ZNF280D: variants seen among roughly 807,000 people sequenced by gnomAD.
The protein encoded by ZNF280D is suppressor of hairy wing homolog 4.
In ZNF280D, 39 loss-of-function variants were observed where a neutral mutation model predicts 94.7. That is an observed-to-expected ratio of 0.41 (90% confidence interval 0.32 to 0.54). The LOEUF is 0.54. Among genes scored for constraint, ZNF280D ranks in the 20% least tolerant of loss-of-function variants. The pLI is 0.22. For synonymous variants in ZNF280D, 398 were observed against 377.6 expected (o/e 1.05, Z -0.63); for missense variants, 1,090 against 1,149.3 (o/e 0.95, Z 0.75).
chr15:56,714,205 G>A (rs2057919103), intron 1 of ZNF280D, among the ~76,000 whole-genome samples: 1 of 151,964 alleles, frequency 6.6e-6, no homozygotes, highest in South Asian at 2.1e-4. Context: ...TCTTGAAAAG[G>A]GCACATTCCC....
intron 4 of ZNF280D, among the ~76,000 whole-genome samples, chr15:56,703,864 A>ATAAG (rs2057238328): frequency 4.1e-4 from 1 of 2,412 alleles, no homozygotes; most frequent in Non-Finnish European, 0.026. Flanking sequence ...AAATAAATAA[A>ATAAG]TAAATAAATA....
intron 1 of ZNF280D, chr15:56,729,683 T>C (rs2058794041): frequency 6.6e-6 from 1 of 152,144 alleles, no homozygotes; most frequent in African/African-American, 2.4e-5. Flanking sequence ...AAACTGGAAG[T>C]TACCAAGAAG....
chr15:56,703,042 A>AT (rs34665918), intron 4 of ZNF280D, among the ~76,000 whole-genome samples: 1 of 151,750 alleles, frequency 6.6e-6, no homozygotes, highest in Non-Finnish European at 1.5e-5. Flanking sequence ...AAAAGGATCT[A>AT]TTTTCTCTTT....
chr15:56,636,895 C>T (rs1389328320), intron 20 of ZNF280D, among the ~76,000 whole-genome samples: 1 of 152,110 alleles, frequency 6.6e-6, no homozygotes, highest in African/African-American at 2.4e-5. Flanking sequence ...GCTGGGATTA[C>T]AGGAGTGAGC....
At chr15:56,638,864 C>G (rs1283403349) in intron 20 of ZNF280D, among the ~76,000 whole-genome samples, 1 of 152,010 alleles carries the variant, frequency 6.6e-6, no homozygotes, top group Non-Finnish European at 1.5e-5. Flanking sequence ...CAAGACAGCC[C>G]TGTCTCCATT....
At chr15:56,639,030 A>C (rs1438086499) in intron 20 of ZNF280D, among the ~76,000 whole-genome samples, 1 of 152,038 alleles carries the variant, frequency 6.6e-6, no homozygotes, top group Admixed American at 6.6e-5. Flanking sequence ...CATCAGATAC[A>C]TTGCTGGGAA....
chr15:56,729,256 T>A (rs1335954224), intron 1 of ZNF280D, among the ~76,000 whole-genome samples: 1 of 152,206 alleles, frequency 6.6e-6, no homozygotes, highest in East Asian at 1.9e-4. Flanking sequence ...GTCAGACATA[T>A]AACTTGTGAC....
At chr15:56,733,364 C>T in intron 1 of ZNF280D, 94 bp downstream of exon 1, 3 of 752,126 alleles carry the variant, frequency 4.0e-6, no homozygotes, top group Non-Finnish European at 4.9e-6. Flanking sequence ...TCAAGACCCC[C>T]AGTCCAGCGC....
At chr15:56,697,736 T>G (rs1324673727) in intron 6 of ZNF280D, 1 of 152,164 alleles carries the variant, frequency 6.6e-6, no homozygotes, top group East Asian at 1.9e-4. Context: ...TTTTCCATAT[T>G]AGAAATTAAA....
In ZNF280D at chr15:56,631,705, G is replaced by T; in HGVS notation, c.2733C>A (p.Ser911Arg). Residue 911 changes from serine to arginine, a missense_variant, in exon 22 of 22, where the codon AGC becomes AGA. Ser to Arg is a moderately radical substitution (Grantham distance 110, BLOSUM62 -1). This residue lies in a region of ZNF280D where 577 missense variants were observed against 568.8 expected (regional missense o/e 1.01). Transcript: ENST00000267807. The stretch of plus-strand genomic sequence containing the variant: ...GTTCCAAATGAATACTGCCTTGCTC[G>T]CTAACATCAGAACTAACAGATTCAG... ...HEPESVSSDV[S>R]EQGSIHLEPL... is the part of the protein sequence containing the mutation. The T allele has an allele frequency of 6.2e-7, 1 of 1,614,062 alleles. No individual in the cohort carries two copies. Among genetic ancestry groups the T allele is most frequent in the Non-Finnish European group, 8.5e-7 (1 of 1,180,000 alleles).
Position 56,653,277 on chromosome 15 carries a change from G to C in ZNF280D, c.2213+921C>G, listed in dbSNP as rs1264076732. On this transcript the variant is annotated intron_variant, in intron 19 of 21. Transcript: ENST00000267807. ...ACTTCAACTTGGATGCTGAAGCAGT[G>C]GTTTGATGGGCTTTTCTTGGTCATA... The C allele has an allele frequency of 6.7e-6, 8 of 1,193,322 alleles. No individual in the cohort carries two copies. The African/African-American group carries it at 1.3e-4, about 19-fold the overall frequency. The allele number at this position is 1,193,322 out of a possible 1,614,324, so 73.9% of individuals were successfully genotyped here. A position where few individuals can be genotyped will look rare whatever the true frequency, so the allele number is the denominator to read the frequency against.
chr15:56,723,341 G>A (rs1456250189), intron 1 of ZNF280D, among the ~76,000 whole-genome samples: 1 of 152,098 alleles, frequency 6.6e-6, no homozygotes, highest in Non-Finnish European at 1.5e-5. Flanking sequence ...GCTACAACAT[G>A]AAACTTTGAA....
In ZNF280D at chr15:56,666,808, G is replaced by C. The variant is rs778620606; in HGVS notation, c.1724C>G (p.Pro575Arg). ...ACTTCCATTAGGCTTACTTGTATTA[G>C]GTTTACTTGCGTTGGATTTGACTGT... ...PNTVKSNASK[P>R]NTSKPNGSKS... Residue 575 changes from proline to arginine, a missense_variant, in exon 15 of 22, where the codon CCT becomes CGT. Pro to Arg is a moderately radical substitution (Grantham distance 103). Transcript: ENST00000267807. The C allele has an allele frequency of 1.2e-6, 2 of 1,613,748 alleles. No individual in the cohort carries two copies. The highest frequency in any genetic ancestry group is 1.7e-6 in the Non-Finnish European group (2 of 1,179,850).
chr15:56,727,775 G>A (rs1309157508), intron 1 of ZNF280D, among the ~76,000 whole-genome samples: 1 of 152,136 alleles, frequency 6.6e-6, no homozygotes, highest in East Asian at 1.9e-4. Context: ...TCTTAATGAT[G>A]GTAGTGAAAA....
At chr15:56,639,087 A>G (rs1308779253) in intron 20 of ZNF280D, among the ~76,000 whole-genome samples, 1 of 152,014 alleles carries the variant, frequency 6.6e-6, no homozygotes. Flanking sequence ...CCAAAGAGGT[A>G]TATGTTATTA....
intron 1 of ZNF280D, among the ~76,000 whole-genome samples, chr15:56,728,776 C>A (rs145183158): frequency 4.8e-4 from 73 of 152,256 alleles, no homozygotes; most frequent in African/African-American, 1.7e-3. Flanking sequence ...AGTACTCATA[C>A]AACCATTCTG....
At chr15:56,726,587 T>C (rs1414049699) in intron 1 of ZNF280D, among the ~76,000 whole-genome samples, 10 of 152,202 alleles carry the variant, frequency 6.6e-5, no homozygotes, top group African/African-American at 2.2e-4. Context: ...AACTCCATCA[T>C]TCTAGGTATT....
Position 56,728,461 on chromosome 15 carries a change from T to C in ZNF280D, c.-86+4997A>G, listed in dbSNP as rs184297569. Among the ~76,000 whole-genome samples the C allele has an allele frequency of 8.4e-3, 1,277 of 152,310 alleles. 6 individuals are homozygous for C. Among genetic ancestry groups the C allele is most frequent in the Non-Finnish European group, 0.011 (780 of 68,016 alleles). On this transcript the variant is annotated intron_variant, in intron 1 of 21. Transcript: ENST00000267807. The stretch of plus-strand genomic sequence containing the variant: ...TGCTCATAAATCTGAAATTGAAAAA[T>C]CTTGCAATTGTGGAGCAAAGAAGAT...
intron 16 of ZNF280D, among the ~76,000 whole-genome samples, chr15:56,661,051 T>C (rs1387564865): frequency 6.6e-6 from 1 of 152,072 alleles, no homozygotes; most frequent in Admixed American, 6.6e-5. Context: ...GAATACATAT[T>C]CATAAATAAT....
Sources: allele counts gnomAD v4.1 joint callset (sites outside exome capture counted in the v4.1 genomes callset), GRCh38; gene constraint gnomAD v4.1.1; regional missense constraint gnomAD v4.1.1; transcripts MANE v1.5; gene names NCBI Gene and HGNC (gene_info 2026-07-23, HGNC 2026-07-21).